The following ERICH2 variants were observed in gnomAD, a reference collection of about 807,000 sequenced individuals.
ERICH2 encodes glutamate rich 2.
Under a neutral mutation model 17.4 loss-of-function variants are expected in ERICH2, and 17 were observed. The observed-to-expected ratio is 0.98, with a 90% CI of 0.67 to 1.47. The LOEUF is 1.47. ERICH2 is among the 40% of genes most tolerant of loss of function. The pLI is 0.00. For synonymous variants in ERICH2, 51 were observed against 61.1 expected (o/e 0.83, Z 0.77); for missense variants, 186 against 183.2 (o/e 1.01, Z -0.09).
At chr2:170,771,148 T>G in the ERICH2 span, 1 of 153,340 alleles carries the variant, frequency 6.5e-6, no homozygotes, top group African/African-American at 2.4e-5. This position sits in a 1 kb window ranked among gnomAD's most constrained non-coding sequence, Gnocchi z 4.8. Flanking sequence ...GCTCTCGGTG[T>G]GTGCCCTTCG....
At chr2:170,796,424 C>G (rs62168449) in intron 3 of ERICH2, among the ~76,000 whole-genome samples, 3 of 12,714 alleles carry the variant, frequency 2.4e-4, no homozygotes, top group African/African-American at 3.0e-4. Flanking sequence ...CTCTCTCTCT[C>G]TTTGTTTTTT....
chr2:170,776,708 A>G, the ERICH2 span, among the ~76,000 whole-genome samples: 1 of 152,132 alleles, frequency 6.6e-6, no homozygotes. Flanking sequence ...TTGTGACACC[A>G]ATAAACTGGA....
chr2:170,780,737 C>T (rs546350054), upstream of ERICH2, among the ~76,000 whole-genome samples: 3 of 151,980 alleles, frequency 2.0e-5, no homozygotes, highest in Admixed American at 1.3e-4. Context: ...GTACATAAAA[C>T]GATGGTATGT....
At chr2:170,775,501 G>A in the ERICH2 span, among the ~76,000 whole-genome samples, 1 of 152,146 alleles carries the variant, frequency 6.6e-6, no homozygotes, top group Non-Finnish European at 1.5e-5. Flanking sequence ...GTACCCAGGG[G>A]ATTGTGGAAC....
At chr2:170,779,230 A>AT (rs1229560718), upstream of ERICH2, among the ~76,000 whole-genome samples, 1 of 152,006 alleles carries the variant, frequency 6.6e-6, no homozygotes, top group Admixed American at 6.6e-5. Context: ...AAGTTGATGA[A>AT]TTTTTTCAGC....
At chr2:170,794,126 T>G (rs1179469950) in intron 3 of ERICH2, among the ~76,000 whole-genome samples, 3 of 127,954 alleles carry the variant, frequency 2.3e-5, no homozygotes, top group African/African-American at 8.6e-5. Flanking sequence ...TTTTTTTTTT[T>G]GACAGGTTCT....
At chr2:170,779,828 G>A (rs1180691650), upstream of ERICH2, 1 of 984,702 alleles carries the variant, frequency 1.0e-6, no homozygotes, top group African/African-American at 1.7e-5. Context: ...AGATTGACAA[G>A]CAAACTTAAT....
intron 3 of ERICH2, among the ~76,000 whole-genome samples, chr2:170,796,382 G>A (rs1295338157): frequency 1.3e-5 from 2 of 151,160 alleles, no homozygotes; most frequent in Non-Finnish European, 2.9e-5. Flanking sequence ...TGAGCCAATG[G>A]GGTCTAATTG....
chr2:170,797,794 G>A (rs1033708873), intron 3 of ERICH2, among the ~76,000 whole-genome samples: 2 of 143,138 alleles, frequency 1.4e-5, no homozygotes, highest in East Asian at 4.0e-4. Context: ...CCTGTCTCAG[G>A]GAAAAAAAAA....
chr2:170,797,832 G>C (rs1287993226), intron 3 of ERICH2, among the ~76,000 whole-genome samples: 1 of 151,232 alleles, frequency 6.6e-6, no homozygotes, highest in Non-Finnish European at 1.5e-5. Context: ...AGAAAATATA[G>C]TGAGGATCAT....
intron 2 of ERICH2, among the ~76,000 whole-genome samples, chr2:170,792,413 T>A (rs1181617654): frequency 1.3e-5 from 2 of 152,090 alleles, no homozygotes; most frequent in Non-Finnish European, 2.9e-5. Context: ...ATAAAAATAA[T>A]AAAAACAAAA....
intron 2 of ERICH2, among the ~76,000 whole-genome samples, chr2:170,792,003 C>T (rs1701301844): frequency 6.6e-6 from 1 of 152,054 alleles, no homozygotes; most frequent in Admixed American, 6.5e-5. Flanking sequence ...ATGTGTCACA[C>T]ACAAGCAAGA....
At chr2:170,788,446 C>G (rs1319665641) in intron 2 of ERICH2, among the ~76,000 whole-genome samples, 1 of 151,318 alleles carries the variant, frequency 6.6e-6, no homozygotes, top group Non-Finnish European at 1.5e-5. Context: ...TTTCACAATG[C>G]GTCCCTTTTT....
chr2:170,792,611 A>G (rs1159558506), intron 2 of ERICH2, among the ~76,000 whole-genome samples: 2 of 152,342 alleles, frequency 1.3e-5, no homozygotes, highest in Non-Finnish European at 2.9e-5. Flanking sequence ...CATATTCTCA[A>G]ATTGTTCAGT....
intron 2 of ERICH2, among the ~76,000 whole-genome samples, chr2:170,789,141 T>C (rs1454344212): frequency 6.6e-6 from 1 of 151,588 alleles, no homozygotes; most frequent in East Asian, 1.9e-4. Context: ...TTTTTTTTTT[T>C]TTAAGTAGAG....
exon 2 of ERICH2, chr2:170,784,691 A>G: frequency 3.2e-6 from 5 of 1,542,222 alleles, no homozygotes; most frequent in Non-Finnish European, 4.4e-6. Context: ...GAGAAAAATA[A>G]TGAATATTGC....
At chr2:170,776,438 T>C in the ERICH2 span, among the ~76,000 whole-genome samples, 37,776 of 152,074 alleles carry the variant, frequency 0.25, 5,148 homozygotes, top group South Asian at 0.35. Flanking sequence ...AGTGCAGTGG[T>C]GCGATCTCGG....
At chr2:170,780,139 C>CA (rs1700994897), upstream of ERICH2, among the ~76,000 whole-genome samples, 1 of 152,040 alleles carries the variant, frequency 6.6e-6, no homozygotes, top group Non-Finnish European at 1.5e-5. Context: ...AAGACTTTTG[C>CA]ATTTCCAAAG....
the ERICH2 span, among the ~76,000 whole-genome samples, chr2:170,772,233 CCTT>C: frequency 6.6e-6 from 1 of 152,172 alleles, no homozygotes; most frequent in African/African-American, 2.4e-5. Context: ...GTGTTTTCTC[CCTT>C]CTTTGCCCCA....
Sources: allele counts gnomAD v4.1 joint callset (sites outside exome capture counted in the v4.1 genomes callset), GRCh38; gene constraint gnomAD v4.1.1; non-coding constraint Gnocchi (gnomAD v3.1); transcripts MANE v1.5; gene names NCBI Gene and HGNC (gene_info 2026-07-23, HGNC 2026-07-21).